The following GNG7 variants were observed in gnomAD, a reference collection of about 807,000 sequenced individuals.
GNG7 encodes G protein subunit gamma 7.
In GNG7, 1 loss-of-function variant was observed where a neutral mutation model predicts 4.0. The ratio of observed to expected loss-of-function variants is 0.25; its 90% confidence interval spans 0.09 to 1.18. The LOEUF (loss-of-function observed/expected upper bound fraction) is 1.18. Ranked by LOEUF, GNG7 falls within the 50% of genes most tolerant of loss-of-function variation. GNG7 has a pLI of 0.50. For missense variants in GNG7, 86 were observed against 91.9 expected (o/e 0.94, Z 0.26); for synonymous variants, 34 against 36.9 (o/e 0.92, Z 0.29).
intron 3 of GNG7, among the ~76,000 whole-genome samples, chr19:2,550,522 C>T (rs1221410809): frequency 6.6e-6 from 1 of 152,222 alleles, no homozygotes; most frequent in African/African-American, 2.4e-5. Context: ...GCCACCGCTC[C>T]CGGCCACCTC....
intron 2 of GNG7, among the ~76,000 whole-genome samples, chr19:2,588,228 G>A (rs528364961): frequency 1.3e-5 from 2 of 152,284 alleles, no homozygotes; most frequent in South Asian, 4.1e-4. Flanking sequence ...CTTGGTGGGG[G>A]CGTGAGAGGG....
chr19:2,612,537 G>A (rs8110849), intron 2 of GNG7, among the ~76,000 whole-genome samples: 20,660 of 151,940 alleles, frequency 0.14, 3,345 homozygotes, highest in African/African-American at 0.39. Flanking sequence ...AGGCTCCCAC[G>A]GCACAAAAGC....
chr19:2,663,567 C>G (rs1242559497), intron 1 of GNG7, among the ~76,000 whole-genome samples: 1 of 152,090 alleles, frequency 6.6e-6, no homozygotes, highest in Non-Finnish European at 1.5e-5. Flanking sequence ...GGTGTGTAGT[C>G]AAACATTACC....
chr19:2,572,063 C>G (rs569089615), intron 2 of GNG7, among the ~76,000 whole-genome samples: 239 of 152,236 alleles, frequency 1.6e-3, no homozygotes, highest in African/African-American at 5.4e-3. Context: ...ACTGTGTCCA[C>G]CAGGCTGGAG....
In GNG7 at chr19:2,557,525, G is replaced by A. The variant is rs977924636; in HGVS notation, c.-77-2337C>T. 6.6e-6 allele frequency among the ~76,000 whole-genome samples: 1 copy of A among 152,226 alleles called. No homozygotes were observed. Among genetic ancestry groups the A allele is most frequent in the Non-Finnish European group, 1.5e-5 (1 of 68,046 alleles). On this transcript the variant is annotated intron_variant, in intron 2 of 4. Transcript: ENST00000382159. This position sits in a 1 kb window ranked among gnomAD's most constrained non-coding sequence, Gnocchi z 5.1. ...CACCTGCACTCACAAAAGACTCAGA[G>A]GCTCCGCCTGGCCGGGTCAGCGAAT...
intron 2 of GNG7, among the ~76,000 whole-genome samples, chr19:2,599,428 G>A (rs1192642404): frequency 1.3e-5 from 2 of 152,052 alleles, no homozygotes; most frequent in Admixed American, 1.3e-4. Context: ...AGAAAGCACC[G>A]CCCACCCGGG....
rs1440665253 is a variant in GNG7, at chr19:2,511,577, G to T, written c.*3445C>A. ...GTGGTGGCTCCACCTCCACCCGGAAGCCCCCCCGGGTCACTCACGGGCGGA... is the reference window on the plus strand; with the variant it reads ...GTGGTGGCTCCACCTCCACCCGGAATCCCCCCCGGGTCACTCACGGGCGGA... On this transcript the variant is annotated 3_prime_UTR_variant, in exon 5 of 5. Transcript: ENST00000382159. The surrounding 1 kb of genome is among the most constrained non-coding windows in gnomAD (Gnocchi z 6.3). 1.3e-5 allele frequency: 2 copies of T among 156,388 alleles called. No individual in the cohort carries two copies. The highest frequency in any genetic ancestry group is 2.8e-5 in the Non-Finnish European group (2 of 71,906). The allele number at this position is 156,388 out of a possible 1,614,324, so 9.7% of individuals were successfully genotyped here. A position where few individuals can be genotyped will look rare whatever the true frequency, so the allele number is the denominator to read the frequency against.
rs1568277816 is a variant in GNG7, at chr19:2,661,304, G to GAAAGAAAC, written c.-134-15025_-134-15024insGTTTCTTT. 6.5e-4 allele frequency among the ~76,000 whole-genome samples: 57 copies of GAAAGAAAC among 87,052 alleles called. 6 individuals are homozygous for GAAAGAAAC. The highest frequency in any genetic ancestry group is 2.6e-3 in the African/African-American group (54 of 21,002). 57.1% of individuals were successfully genotyped at this position (87,052 alleles called of 152,430 possible). A position where few individuals can be genotyped will look rare whatever the true frequency, so the allele number is the denominator to read the frequency against. ...AAAGAAAGAAAGAAAGAAAGAAAGA[G>GAAAGAAAC]AAAGAAAGAAAGAAAGAAAGAAAGA... On this transcript the variant is annotated intron_variant, in intron 1 of 4. Coordinates refer to ENST00000382159, the MANE Select transcript of GNG7 (RefSeq NM_052847.3).
intron 2 of GNG7, among the ~76,000 whole-genome samples, chr19:2,556,154 T>C (rs1979536826): frequency 1.3e-5 from 2 of 152,220 alleles, no homozygotes; most frequent in Admixed American, 1.3e-4. Flanking sequence ...TTGCGCACAA[T>C]GAACCCAGAT....
rs1982218642 is a variant in GNG7 at position 2,633,481 on chromosome 19, GCGCGCGCACACACACACA to G, written c.-78+12725_-78+12742del. 5.0e-5 allele frequency among the ~76,000 whole-genome samples: 4 copies of G among 80,448 alleles called. No homozygotes were observed. The highest frequency in any genetic ancestry group is 1.6e-4 in the African/African-American group (4 of 25,372). 52.8% of individuals were successfully genotyped at this position (80,448 alleles called of 152,430 possible). A position where few individuals can be genotyped will look rare whatever the true frequency, so the allele number is the denominator to read the frequency against. On this transcript the variant is annotated intron_variant, in intron 2 of 4. Transcript: ENST00000382159. The surrounding 1 kb of genome is among the most constrained non-coding windows in gnomAD (Gnocchi z 5.9). Reference sequence around the variant, plus strand: ...GTTGCTTAGCAACAGGCGCGCGCGCGCGCGCGCACACACACACACACACACACACACACACACACACAC... The same window carrying G: ...GTTGCTTAGCAACAGGCGCGCGCGCGCACACACACACACACACACACACAC...
intron 1 of GNG7, among the ~76,000 whole-genome samples, chr19:2,688,864 G>C (rs58985834): frequency 6.6e-6 from 1 of 151,906 alleles, no homozygotes; most frequent in Non-Finnish European, 1.5e-5. Context: ...TCAGGAGTTC[G>C]AGACCAGCCT....
At chr19:2,539,730 T>G (rs76650300) in intron 3 of GNG7, among the ~76,000 whole-genome samples, 11,873 of 152,188 alleles carry the variant, frequency 0.078, 647 homozygotes, top group Non-Finnish European at 0.11. Context: ...CCAGCTGCCC[T>G]GTCTCATTGG....
intron 1 of GNG7, among the ~76,000 whole-genome samples, chr19:2,701,833 G>A (rs1197583076): frequency 1.4e-5 from 2 of 143,544 alleles, no homozygotes; most frequent in African/African-American, 2.6e-5. Flanking sequence ...CATCCCCAGC[G>A]TCCTCCCCAG....
rs377361649 is a variant in GNG7 at position 2,602,901 on chromosome 19, C to CTTT, written c.-78+43320_-78+43322dup. ...TCTTTCTCTTTCTTTTTCTCTTTTT[C>CTTT]TTTCTTTCTTTCTTTCTTTCTTTTT... On this transcript the variant is annotated intron_variant, in intron 2 of 4. Transcript: ENST00000382159. Among the ~76,000 whole-genome samples, 23 of 148,950 alleles carry CTTT rather than the reference C, an allele frequency of 1.5e-4. No individual in the cohort carries two copies. In the East Asian group the frequency reaches 1.8e-3, roughly 11 times the overall value.
chr19:2,637,221 C>T (rs1179484382), intron 2 of GNG7, among the ~76,000 whole-genome samples: 1 of 149,674 alleles, frequency 6.7e-6, no homozygotes, highest in Non-Finnish European at 1.5e-5. Flanking sequence ...CTCCCCCCGC[C>T]CCCGAGCCCG....
intron 1 of GNG7, among the ~76,000 whole-genome samples, chr19:2,677,789 C>T (rs1568282379): frequency 6.6e-6 from 1 of 151,010 alleles, no homozygotes; most frequent in Non-Finnish European, 1.5e-5. Context: ...CTGGGGACAT[C>T]TTTGGTTGTC....
Position 2,529,593 on chromosome 19 carries a change from G to C in GNG7, c.-37-8868C>G, listed in dbSNP as rs551680905. 3.3e-5 allele frequency among the ~76,000 whole-genome samples: 5 copies of C among 152,350 alleles called. No homozygotes were observed. The East Asian group carries it at 9.6e-4, about 29-fold the overall frequency. The stretch of plus-strand genomic sequence containing the variant: ...CTTCTGAGCCATAGGGTAAAGGTGA[G>C]AGGAGAGTCTTGTAAGCTCCGTGAT... On this transcript the variant is annotated intron_variant, in intron 3 of 4. Transcript: ENST00000382159.
intron 1 of GNG7, among the ~76,000 whole-genome samples, chr19:2,650,909 AACCGCTGGG>A (rs1288564720): frequency 6.6e-6 from 1 of 152,176 alleles, no homozygotes; most frequent in Admixed American, 6.5e-5. Context: ...GGGCAACACG[AACCGCTGGG>A]ACCTCCTGTT....
intron 2 of GNG7, among the ~76,000 whole-genome samples, chr19:2,581,882 AG>A (rs1277054095): frequency 1.3e-5 from 2 of 152,114 alleles, no homozygotes; most frequent in Non-Finnish European, 2.9e-5. Context: ...GGGGACAGGG[AG>A]GTGAGAACAT....
Sources: gnomAD v4.1 joint callset for allele counts (sites outside exome capture counted in the v4.1 genomes callset) on GRCh38, gnomAD v4.1.1 for gene constraint, Gnocchi (gnomAD v3.1) non-coding constraint, MANE v1.5 for transcripts, NCBI Gene and HGNC (gene_info 2026-07-23, HGNC 2026-07-21) for gene names.